The following CRLF1 variants were observed in gnomAD, a reference collection of about 807,000 sequenced individuals.
The protein encoded by CRLF1 is cytokine receptor like factor 1.
CRLF1 carries 36 observed loss-of-function variants against 48.9 expected under a neutral mutation model. The observed-to-expected ratio is 0.74, with a 90% CI of 0.56 to 0.97. The LOEUF is 0.97. Ranked by LOEUF, CRLF1 falls within the 50% of genes least tolerant of loss-of-function variation. The probability of loss-of-function intolerance (pLI) is 0.00; values close to 1 mark genes in which losing one functional copy is unlikely to be tolerated. For missense variants in CRLF1, 534 were observed against 575.1 expected (o/e 0.93, Z 0.73); for synonymous variants, 256 against 253.4 (o/e 1.01, Z -0.10).
intron 1 of CRLF1, among the ~76,000 whole-genome samples, chr19:18,604,087 G>A (rs1164881880): frequency 6.6e-6 from 1 of 152,182 alleles, no homozygotes; most frequent in Non-Finnish European, 1.5e-5. Flanking sequence ...GCCCCTCTCA[G>A]CCCTTCTAGA....
chr19:18,596,822 G>C (rs1357887185), intron 5 of CRLF1, 32 bp from the exon 6 acceptor site: 12 of 1,612,918 alleles, frequency 7.4e-6, no homozygotes, highest in Non-Finnish European at 1.0e-5. Context: ...AGAGTAGAGG[G>C]CGGGGCCTAG....
intron 8 of CRLF1, 33 bp downstream of exon 8, chr19:18,594,032 T>TGGGGCCCCCCCCCCCC: frequency 2.9e-6 from 2 of 695,812 alleles, no homozygotes; most frequent in Non-Finnish European, 4.4e-6. Context: ...CTCCCCTTGC[T>TGGGGCCCCCCCCCCCC]CCCTCCCGCC....
intron 3 of CRLF1, 46 bp downstream of exon 3, chr19:18,598,726 C>T (rs751023710): frequency 7.1e-5 from 115 of 1,613,900 alleles, no homozygotes; most frequent in African/African-American, 1.5e-4. Flanking sequence ...GTCAAGGTCA[C>T]GCAGCCAGCC....
intron 1 of CRLF1, among the ~76,000 whole-genome samples, chr19:18,603,759 G>C (rs1568442941): frequency 6.6e-6 from 1 of 152,180 alleles, no homozygotes. Context: ...AACTTGGCTC[G>C]AGGGCTCTGT....
intron 1 of CRLF1, among the ~76,000 whole-genome samples, chr19:18,604,417 C>G (rs1976262678): frequency 6.6e-6 from 1 of 152,216 alleles, no homozygotes; most frequent in Non-Finnish European, 1.5e-5. Context: ...GAGAACCTGG[C>G]CAATTGACTT....
At position 18,596,722 on chromosome 19, in the gene CRLF1, G is replaced by A. The variant is rs1334087123; in HGVS notation, c.924C>T (p.Phe308=). ...LAGLKPGTVY[F]VQVRCNPFGI... ...CAAAGGGGTTGCAGCGCACTTGCAC[G>A]AAGTACACGGTGCCGGGTTTCAGGC... is the stretch of plus-strand genomic sequence containing the variant. The change falls in exon 6 of 9, where the codon TTC becomes TTT. Residue 308 remains phenylalanine (F), a synonymous_variant. Coordinates refer to ENST00000392386, the MANE Select transcript of CRLF1 (RefSeq NM_004750.5). 10 of 1,614,018 alleles carry A rather than the reference G, an allele frequency of 6.2e-6. No homozygotes were observed. Among genetic ancestry groups the A allele is most frequent in the Non-Finnish European group, 6.8e-6 (8 of 1,180,044 alleles).
At position 18,596,743 on chromosome 19, in the gene CRLF1, C is replaced by G. The variant is rs149763685; in HGVS notation, c.903G>C (p.Leu301=). The G allele has an allele frequency of 5.3e-5, 85 of 1,613,940 alleles. No individual in the cohort carries two copies. The highest frequency in any genetic ancestry group is 7.0e-5 in the Non-Finnish European group (83 of 1,180,012). The change falls in exon 6 of 9, where the codon CTG becomes CTC. Residue 301 remains leucine, a synonymous_variant. Coordinates refer to ENST00000392386, the MANE Select transcript of CRLF1 (RefSeq NM_004750.5). ...GCACGAAGTACACGGTGCCGGGTTT[C>G]AGGCCGGCCAGGCGGCAGGAGGTCT... The part of the protein sequence containing the change: ...SNQTSCRLAG[L]KPGTVYFVQV...
chr19:18,594,756 G>A (rs530288003), intron 6 of CRLF1, among the ~76,000 whole-genome samples: 5 of 152,000 alleles, frequency 3.3e-5, no homozygotes, highest in African/African-American at 1.2e-4. Flanking sequence ...GAGCCGGGGG[G>A]ATGAGACATA....
At chr19:18,594,030 G>GGGTGGGGGGCC in intron 8 of CRLF1, 35 bp downstream of exon 8, 6 of 1,315,306 alleles carry the variant, frequency 4.6e-6, no homozygotes, top group South Asian at 1.3e-5. Flanking sequence ...CCCTCCCCTT[G>GGGTGGGGGGCC]CTCCCTCCCG....
chr19:18,602,453 C>A (rs958158762), intron 1 of CRLF1, among the ~76,000 whole-genome samples: 9 of 151,612 alleles, frequency 5.9e-5, no homozygotes, highest in African/African-American at 1.9e-4. Flanking sequence ...ACCAAAAATA[C>A]AAAAATTAGC....
At chr19:18,596,043 G>A (rs746826364) in intron 6 of CRLF1, among the ~76,000 whole-genome samples, 4 of 152,218 alleles carry the variant, frequency 2.6e-5, no homozygotes, top group Non-Finnish European at 5.9e-5. Context: ...GGGGCTGTAG[G>A]CCATGCTGTT....
Position 18,593,308 on chromosome 19 carries a change from C to T in CRLF1, c.*258G>A. 1 of 543,784 alleles carries T rather than the reference C, an allele frequency of 1.8e-6. No homozygotes were observed. The highest frequency in any genetic ancestry group is 3.3e-6 in the Non-Finnish European group (1 of 301,220). 33.7% of individuals were successfully genotyped at this position (543,784 alleles called of 1,614,324 possible). On this transcript the variant is annotated 3_prime_UTR_variant, in exon 9 of 9. Transcript: ENST00000392386. The stretch of plus-strand genomic sequence containing the variant: ...CTAGGTAATGGGGAGTAATGACTCC[C>T]CTTCTCACCCCCAGCCCTGGCAGGG...
At chr19:18,599,902 A>G in intron 1 of CRLF1, 56 bp from the exon 2 acceptor site, 2 of 1,450,832 alleles carry the variant, frequency 1.4e-6, no homozygotes. Context: ...CAAGCCCCCA[A>G]CCATGCCAGG....
chr19:18,599,406 G>A (rs1485770306), intron 2 of CRLF1, among the ~76,000 whole-genome samples, 159 bp downstream of exon 2: 1 of 152,124 alleles, frequency 6.6e-6, no homozygotes, highest in Non-Finnish European at 1.5e-5. Flanking sequence ...TTGCCCGACC[G>A]GGTCTCCAGG....
At position 18,593,324 on chromosome 19, in the gene CRLF1, C is replaced by G. The variant is rs1332416038; in HGVS notation, c.*242G>C. On this transcript the variant is annotated 3_prime_UTR_variant, in exon 9 of 9. Transcript: ENST00000392386. ...AATGACTCCCCTTCTCACCCCCAGC[C>G]CTGGCAGGGGTTCTAGGCAACTCAA... 4 of 564,104 alleles carry G rather than the reference C, an allele frequency of 7.1e-6. No individual in the cohort carries two copies. In the Admixed American group the frequency reaches 1.2e-4, roughly 17 times the overall value. 34.9% of individuals were successfully genotyped at this position (564,104 alleles called of 1,614,324 possible).
rs767283349 is a variant in CRLF1 at position 18,597,042 on chromosome 19, C to T, written c.705G>A (p.Thr235=). 9 of 1,612,312 alleles carry T rather than the reference C, an allele frequency of 5.6e-6. No individual in the cohort carries two copies. Among genetic ancestry groups the T allele is most frequent in the South Asian group, 3.3e-5 (3 of 90,980 alleles). ...TCACGTGCACGTCGGGCGGGGGGTC[C>T]GTGGTCACTGCGGGGCAGAGGAGGG... The part of the protein sequence containing the change: ...LTLDILDVVT[T]DPPPDVHVSR... The change falls in exon 5 of 9, where the codon ACG becomes ACA. Residue 235 remains threonine (T), a synonymous_variant. Transcript: ENST00000392386.
chr19:18,600,135 G>A (rs536215933), intron 1 of CRLF1, among the ~76,000 whole-genome samples: 43 of 152,246 alleles, frequency 2.8e-4, no homozygotes, highest in South Asian at 1.9e-3. Flanking sequence ...CACACAACTC[G>A]GGCATAGAGG....
At chr19:18,605,357 G>A (rs977557501) in intron 1 of CRLF1, among the ~76,000 whole-genome samples, 1 of 152,156 alleles carries the variant, frequency 6.6e-6, no homozygotes, top group African/African-American at 2.4e-5. Context: ...TCCCGGAGGA[G>A]CCCTACAGGC....
intron 8 of CRLF1, 33 bp downstream of exon 8, chr19:18,594,032 T>TGGGACC: frequency 1.4e-6 from 1 of 695,810 alleles, no homozygotes; most frequent in Non-Finnish European, 2.2e-6. Flanking sequence ...CTCCCCTTGC[T>TGGGACC]CCCTCCCGCC....
Sources: allele counts gnomAD v4.1 joint callset (sites outside exome capture counted in the v4.1 genomes callset), GRCh38; gene constraint gnomAD v4.1.1; transcripts MANE v1.5; gene names NCBI Gene and HGNC (gene_info 2026-07-23, HGNC 2026-07-21).